The following CCDC187 variants were observed in gnomAD, a reference collection of about 807,000 sequenced individuals.
CCDC187 encodes coiled-coil domain containing 187.
In CCDC187, 32 loss-of-function variants were observed where a neutral mutation model predicts 38.0. That is an observed-to-expected ratio of 0.84 (90% CI 0.64 to 1.13). The LOEUF is 1.13. Among genes scored for constraint, CCDC187 ranks in the 50% most tolerant of loss-of-function variants. The pLI, the probability that CCDC187 is intolerant of heterozygous loss-of-function variation, is 0.00. For synonymous variants in CCDC187, 333 were observed against 347.9 expected (o/e 0.96, Z 0.48); for missense variants, 707 against 786.8 (o/e 0.90, Z 1.21).
chr9:136,290,407 G>T, intron 6 of CCDC187, 79 bp downstream of exon 6: 1 of 398,212 alleles, frequency 2.5e-6, no homozygotes, highest in Non-Finnish European at 4.4e-6. Context: ...GACACCAGGG[G>T]GCTGGAGGCA....
At chr9:136,283,330 G>A (rs1479312733) in intron 9 of CCDC187, among the ~76,000 whole-genome samples, 1 of 152,250 alleles carries the variant, frequency 6.6e-6, no homozygotes, top group Non-Finnish European at 1.5e-5. Context: ...GCTCAGCGTG[G>A]GAAACGCACC....
chr9:136,293,788 TCA>T (rs1248606210), intron 4 of CCDC187, among the ~76,000 whole-genome samples: 7 of 151,606 alleles, frequency 4.6e-5, no homozygotes, highest in African/African-American at 7.3e-5. Flanking sequence ...GGTCTCATCC[TCA>T]CACACTTTCA....
chr9:136,285,949 C>G (rs1312959868), intron 8 of CCDC187, 136 bp downstream of exon 8: 1 of 397,380 alleles, frequency 2.5e-6, no homozygotes, highest in African/African-American at 2.1e-5. Context: ...TGCTCAGACC[C>G]CCTGGACTGT....
intron 9 of CCDC187, among the ~76,000 whole-genome samples, chr9:136,282,874 C>G (rs1329786275): frequency 6.6e-5 from 10 of 152,240 alleles, no homozygotes; most frequent in African/African-American, 2.4e-4. Context: ...GGAACCCGGG[C>G]TGGGTGGCTA....
intron 4 of CCDC187, among the ~76,000 whole-genome samples, chr9:136,293,217 A>T (rs1831388118): frequency 1.4e-5 from 2 of 145,312 alleles, no homozygotes; most frequent in East Asian, 2.1e-4. Context: ...ACACATGCTC[A>T]CACACTCACA....
At chr9:136,294,590 C>T (rs1018488771) in intron 4 of CCDC187, among the ~76,000 whole-genome samples, 13 of 152,316 alleles carry the variant, frequency 8.5e-5, no homozygotes, top group Admixed American at 3.9e-4. Flanking sequence ...GGCAGGCTCC[C>T]GGACTGAGTC....
chr9:136,293,360 T>TCACA lies in CCDC187; in HGVS notation c.833-1066_833-1065insTGTG, dbSNP rs1831407486. ...ACTCACACTCACATGCTCACACACATTCACATGCTCACACACTCACACTCA... is the reference window on the plus strand; with the variant it reads ...ACTCACACTCACATGCTCACACACATCACATCACATGCTCACACACTCACACTCA... On this transcript the variant is annotated intron_variant, in intron 4 of 25. Coordinates refer to ENST00000638797, the MANE Select transcript of CCDC187 (RefSeq NM_001378188.1). Among the ~76,000 whole-genome samples, 58 of 87,566 alleles carry TCACA rather than the reference T, an allele frequency of 6.6e-4. 2 individuals are homozygous for TCACA. Among genetic ancestry groups the TCACA allele is most frequent in the Middle Eastern group, 0.018 (2 of 114 alleles). The allele number at this position is 87,566 out of a possible 152,430, so 57.4% of individuals were successfully genotyped here. A position where few individuals can be genotyped will look rare whatever the true frequency, so the allele number is the denominator to read the frequency against.
Position 136,295,057 on chromosome 9 carries a change from G to A in CCDC187, c.832+2657C>T, listed in dbSNP as rs1002890598. The stretch of plus-strand genomic sequence containing the variant: ...GCCACAAGAATGAAAGGGCAGTCAC[G>A]ATCATTGCAGGAGTTAGGCCTGGAA... On this transcript the variant is annotated intron_variant, in intron 4 of 25. Coordinates refer to ENST00000638797, the MANE Select transcript of CCDC187 (RefSeq NM_001378188.1). 4.7e-3 allele frequency among the ~76,000 whole-genome samples: 711 copies of A among 152,334 alleles called. 7 individuals carry two copies. The highest frequency in any genetic ancestry group is 0.016 in the African/African-American group (668 of 41,572).
chr9:136,300,226 C>T lies in CCDC187; in HGVS notation c.718G>A (p.Val240Ile), dbSNP rs1479910942. The change falls in exon 3 of 26, where the codon GTT (valine) becomes ATT (isoleucine). Residue 240 changes from valine to isoleucine, a missense_variant. Physicochemically the swap from Val to Ile is conservative, Grantham distance 29. Transcript: ENST00000638797. ...RELSRVSQHQ[V>I]PVLREKPKRV... ...CCGCCGCAGAGCCGCTCACCAGGAA[C>T]CTGGTGCTGGGAGACCCTGGAGAGC... 1.3e-5 allele frequency: 5 copies of T among 398,612 alleles called. No homozygotes were observed. The highest frequency in any genetic ancestry group is 4.1e-5 in the African/African-American group (2 of 48,648). The allele number at this position is 398,612 out of a possible 1,614,324, so 24.7% of individuals were successfully genotyped here. A position where few individuals can be genotyped will look rare whatever the true frequency, so the allele number is the denominator to read the frequency against.
At chr9:136,285,403 G>T in intron 9 of CCDC187, 110 bp downstream of exon 9, 1 of 409,242 alleles carries the variant, frequency 2.4e-6, no homozygotes, top group Non-Finnish European at 4.3e-6. Flanking sequence ...GGTGAAGTGA[G>T]AGGCAGCCCG....
rs372092786 is a variant in CCDC187 at position 136,254,330 on chromosome 9, A to G, written c.5498T>C (p.Val1833Ala). The change falls in exon 26 of 26, where the codon GTG becomes GCG. Residue 1833 changes from valine (V) to alanine (A), a missense_variant. Coordinates refer to ENST00000638797, the MANE Select transcript of CCDC187 (RefSeq NM_001378188.1). ...CCCAGGCCATGGGGACGGAAGAGCC[A>G]CCTGGGGCTCCATGCCGCTTCTGAC... is the stretch of plus-strand genomic sequence containing the variant. ...GGVRSGMEPQ[V>A]ALPSPWPGEG... 3.1e-5 allele frequency: 30 copies of G among 975,238 alleles called. No individual in the cohort carries two copies. In the Admixed American group the frequency reaches 3.7e-4, roughly 12 times the overall value. 60.4% of individuals were successfully genotyped at this position (975,238 alleles called of 1,614,324 possible). A position where few individuals can be genotyped will look rare whatever the true frequency, so the allele number is the denominator to read the frequency against.
chr9:136,269,279 G>A (rs116121703), intron 14 of CCDC187, among the ~76,000 whole-genome samples: 28 of 152,288 alleles, frequency 1.8e-4, no homozygotes, highest in African/African-American at 5.5e-4. Flanking sequence ...GATCCAGATC[G>A]ACCTAACACA....
Position 136,303,081 on chromosome 9 carries a change from G to A in CCDC187, c.356C>T (p.Ser119Leu), listed in dbSNP as rs1282993095. ...GDSSVSSGRL[S>L]CSSGGHDVCV... ...CACGTCGTGGCCCCCCGAAGAGCAC[G>A]AGAGGCGGCCCGATGACACCGAGCT... is the stretch of plus-strand genomic sequence containing the variant. Residue 119 changes from serine to leucine, a missense_variant, in exon 2 of 26, where the codon TCG becomes TTG. Ser to Leu is a moderately radical substitution (Grantham distance 145). Coordinates refer to ENST00000638797, the MANE Select transcript of CCDC187 (RefSeq NM_001378188.1). The A allele has an allele frequency of 9.3e-5, 37 of 398,622 alleles. 1 individual carries two copies. The highest frequency in any genetic ancestry group is 9.3e-4 in the East Asian group (26 of 28,064). 24.7% of individuals were successfully genotyped at this position (398,622 alleles called of 1,614,324 possible).
chr9:136,300,254 G>A lies in CCDC187; in HGVS notation c.690C>T (p.Arg230=), dbSNP rs900141260. The change falls in exon 3 of 26, where the codon CGC becomes CGT. Residue 230 remains arginine, a synonymous_variant. Transcript: ENST00000638797. ...GGTGCTGGGAGACCCTGGAGAGCTCGCGCCCCTGGCCGTGGGATGCCTTGG... is the reference window on the plus strand; with the variant it reads ...GGTGCTGGGAGACCCTGGAGAGCTCACGCCCCTGGCCGTGGGATGCCTTGG... ...VEAKASHGQG[R]ELSRVSQHQV... 8.8e-3 allele frequency: 3,507 copies of A among 398,670 alleles called. 20 individuals carry two copies. Among genetic ancestry groups the A allele is most frequent in the South Asian group, 0.022 (173 of 7,852 alleles). The allele number at this position is 398,670 out of a possible 1,614,324, so 24.7% of individuals were successfully genotyped here.
chr9:136,296,899 C>G (rs2131345313), intron 4 of CCDC187, among the ~76,000 whole-genome samples: 1 of 152,274 alleles, frequency 6.6e-6, no homozygotes, highest in East Asian at 1.9e-4. Context: ...AAGCACATGG[C>G]TGACTCACAC....
intron 4 of CCDC187, among the ~76,000 whole-genome samples, chr9:136,294,012 CCT>C (rs1392380027): frequency 6.8e-5 from 10 of 146,768 alleles, no homozygotes; most frequent in Admixed American, 6.8e-4. Context: ...ATACACACGC[CCT>C]CACATGCTCT....
intron 16 of CCDC187, 39 bp downstream of exon 16, chr9:136,267,345 T>C (rs1421546193): frequency 4.1e-6 from 4 of 966,166 alleles, no homozygotes; most frequent in Admixed American, 6.5e-5. Context: ...AGGGCGGGGC[T>C]ACGGCGGGGC....
chr9:136,273,194 G>C (rs1176307814), intron 14 of CCDC187, among the ~76,000 whole-genome samples: 1 of 152,220 alleles, frequency 6.6e-6, no homozygotes, highest in Non-Finnish European at 1.5e-5. Context: ...AATGTGAATA[G>C]TGTAAGCACC....
chr9:136,302,403 G>A (rs1831707880), intron 2 of CCDC187, among the ~76,000 whole-genome samples: 1 of 128,112 alleles, frequency 7.8e-6, no homozygotes, highest in East Asian at 2.3e-4. Flanking sequence ...CCCTGTCCCT[G>A]CAGGAGGGAA....
Sources: allele counts gnomAD v4.1 joint callset (sites outside exome capture counted in the v4.1 genomes callset), GRCh38; gene constraint gnomAD v4.1.1; transcripts MANE v1.5; gene names NCBI Gene and HGNC (gene_info 2026-07-23, HGNC 2026-07-21).